Variants in PTPRD observed in about 807,000 individuals in gnomAD.
The protein encoded by PTPRD is protein tyrosine phosphatase receptor type D, also known as receptor-type tyrosine-protein phosphatase delta.
PTPRD carries 34 observed loss-of-function variants against 214.5 expected under a neutral mutation model. The observed-to-expected ratio is 0.16, with a 90% CI of 0.12 to 0.21. The LOEUF is 0.21. PTPRD is among the 10% of genes least tolerant of loss of function. The probability of loss-of-function intolerance (pLI) is 1.00; values close to 1 mark genes in which losing one functional copy is unlikely to be tolerated. For synonymous variants in PTPRD, 1,128 were observed against 845.7 expected (o/e 1.33, Z -5.79); for missense variants, 2,545 against 2,398.7 (o/e 1.06, Z -1.27).
At chr9:8,469,017 A>C (rs891911807) in intron 31 of PTPRD, among the ~76,000 whole-genome samples, 2 of 151,940 alleles carry the variant, frequency 1.3e-5, no homozygotes, top group African/African-American at 4.8e-5. Context: ...TAATTCTACA[A>C]TGTGGTCTCA....
chr9:8,858,655 G>A (rs886723416), intron 11 of PTPRD, among the ~76,000 whole-genome samples: 9 of 149,238 alleles, frequency 6.0e-5, no homozygotes, highest in Non-Finnish European at 5.9e-5. Flanking sequence ...GCGTGAGTGT[G>A]AGTGTGGGTG....
chr9:9,797,936 G>A (rs1043728471), intron 5 of PTPRD, among the ~76,000 whole-genome samples: 17 of 152,106 alleles, frequency 1.1e-4, no homozygotes, highest in African/African-American at 4.1e-4. Flanking sequence ...GATTTGAGGT[G>A]AAATAAAAGT....
chr9:9,436,397 C>A (rs2085267875), intron 8 of PTPRD, among the ~76,000 whole-genome samples: 1 of 152,090 alleles, frequency 6.6e-6, no homozygotes, highest in Non-Finnish European at 1.5e-5. Context: ...AAGACTAAGA[C>A]ACTGGATATA....
intron 2 of PTPRD, among the ~76,000 whole-genome samples, chr9:10,436,919 G>A (rs1177942605): frequency 2.0e-5 from 3 of 151,788 alleles, no homozygotes; most frequent in African/African-American, 7.3e-5. Context: ...TGTACTAAAT[G>A]TAGATGCAAG....
At chr9:10,367,880 G>A (rs147991231) in intron 2 of PTPRD, among the ~76,000 whole-genome samples, 1 of 152,070 alleles carries the variant, frequency 6.6e-6, no homozygotes. Flanking sequence ...CTATAAAAAA[G>A]GGTTAAGAAA....
intron 9 of PTPRD, among the ~76,000 whole-genome samples, chr9:9,293,533 C>T (rs1451544831): frequency 6.6e-6 from 1 of 151,444 alleles, no homozygotes; most frequent in Non-Finnish European, 1.5e-5. Flanking sequence ...CTGACTAATG[C>T]TATTAGAAAC....
chr9:10,169,200 C>T (rs1455069165), intron 3 of PTPRD, among the ~76,000 whole-genome samples: 2 of 152,112 alleles, frequency 1.3e-5, no homozygotes, highest in Non-Finnish European at 2.9e-5. Flanking sequence ...GCAGGCCGGG[C>T]GCGGTGGCTC....
At chr9:9,666,385 G>A (rs2096722796) in intron 7 of PTPRD, among the ~76,000 whole-genome samples, 1 of 151,864 alleles carries the variant, frequency 6.6e-6, no homozygotes, top group African/African-American at 2.4e-5. Context: ...GATCTTATTT[G>A]TATAACTTGC....
chr9:9,381,949 A>C (rs566428689), intron 9 of PTPRD, among the ~76,000 whole-genome samples: 1 of 151,824 alleles, frequency 6.6e-6, no homozygotes, highest in South Asian at 2.1e-4. Flanking sequence ...ATAACATTGA[A>C]TGTATAGATC....
chr9:8,734,678 A>C (rs868220439), intron 11 of PTPRD, among the ~76,000 whole-genome samples: 1 of 152,262 alleles, frequency 6.6e-6, no homozygotes, highest in African/African-American at 2.4e-5. Flanking sequence ...CAAGGCATCA[A>C]GAGTGACAGC....
At chr9:9,084,869 C>G (rs1356092620) in intron 10 of PTPRD, among the ~76,000 whole-genome samples, 1 of 152,076 alleles carries the variant, frequency 6.6e-6, no homozygotes, top group Non-Finnish European at 1.5e-5. Flanking sequence ...ATTTTATTTT[C>G]TCTAATGTTT....
chr9:10,130,255 C>G (rs1298261045), intron 3 of PTPRD, among the ~76,000 whole-genome samples: 1 of 150,728 alleles, frequency 6.6e-6, no homozygotes, highest in Non-Finnish European at 1.5e-5. Context: ...AACAACCATA[C>G]AAATACGTGA....
intron 2 of PTPRD, among the ~76,000 whole-genome samples, chr9:10,448,826 G>T (rs73390315): frequency 0.024 from 3,707 of 151,938 alleles, 173 homozygotes; most frequent in African/African-American, 0.076. Context: ...CCAAGAGAAA[G>T]CATTCTCTCC....
chr9:9,936,428 A>G (rs1375514905), intron 5 of PTPRD, among the ~76,000 whole-genome samples: 6 of 151,858 alleles, frequency 4.0e-5, no homozygotes, highest in Non-Finnish European at 7.4e-5. Flanking sequence ...ATGAACAGAC[A>G]CTTCTCAAAA....
intron 14 of PTPRD, among the ~76,000 whole-genome samples, chr9:8,555,846 T>G (rs974724479): frequency 6.6e-6 from 1 of 152,154 alleles, no homozygotes; most frequent in Non-Finnish European, 1.5e-5. Context: ...ATAAGAAGAC[T>G]GATAAACATT....
intron 11 of PTPRD, among the ~76,000 whole-genome samples, chr9:8,897,885 C>A (rs147929889): frequency 1.8e-4 from 27 of 152,260 alleles, no homozygotes; most frequent in African/African-American, 5.8e-4. Flanking sequence ...TAGTAACACC[C>A]CATCTGCCTA....
intron 8 of PTPRD, among the ~76,000 whole-genome samples, chr9:9,458,431 T>G (rs1266886136): frequency 6.6e-6 from 1 of 152,136 alleles, no homozygotes; most frequent in East Asian, 1.9e-4. Context: ...TTTGATAGGT[T>G]GATTTAAGAT....
At chr9:9,645,497 T>A (rs1222950334) in intron 7 of PTPRD, among the ~76,000 whole-genome samples, 1 of 149,866 alleles carries the variant, frequency 6.7e-6, no homozygotes, top group Non-Finnish European at 1.5e-5. Flanking sequence ...TTTGCTTCTA[T>A]TTGAAATATC....
intron 8 of PTPRD, among the ~76,000 whole-genome samples, chr9:9,482,835 T>C (rs2095475583): frequency 6.6e-6 from 1 of 152,190 alleles, no homozygotes; most frequent in Non-Finnish European, 1.5e-5. Flanking sequence ...AGGATTTAAA[T>C]AGCAATATCA....
Sources: gnomAD v4.1 joint callset for allele counts (sites outside exome capture counted in the v4.1 genomes callset) on GRCh38, gnomAD v4.1.1 for gene constraint, MANE v1.5 for transcripts, NCBI Gene and HGNC (gene_info 2026-07-23, HGNC 2026-07-21) for gene names.